TXNDC16: variants seen among roughly 807,000 people sequenced by gnomAD.
The protein encoded by TXNDC16 is thioredoxin domain containing 16.
Under a neutral mutation model 85.6 loss-of-function variants are expected in TXNDC16, and 74 were observed. The observed-to-expected ratio is 0.86, with a 90% CI of 0.72 to 1.05. The LOEUF is 1.05. Ranked by LOEUF, TXNDC16 falls within the 50% of genes least tolerant of loss-of-function variation. The pLI is 0.00. For missense variants in TXNDC16, 959 were observed against 947.0 expected (o/e 1.01, Z -0.17); for synonymous variants, 335 against 326.5 (o/e 1.03, Z -0.28).
chr14:52,538,996 T>C (rs1357830015), intron 4 of TXNDC16, among the ~76,000 whole-genome samples: 1 of 152,226 alleles, frequency 6.6e-6, no homozygotes, highest in African/African-American at 2.4e-5. Context: ...GGATGGTTGG[T>C]ATTATGACAA....
chr14:52,475,794 G>A (rs960496836), intron 14 of TXNDC16, among the ~76,000 whole-genome samples: 1 of 152,094 alleles, frequency 6.6e-6, no homozygotes, highest in African/African-American at 2.4e-5. Context: ...CCTGCCTACT[G>A]CCTGTTCCTC....
At chr14:52,549,983 C>T (rs1283725952) in intron 1 of TXNDC16, among the ~76,000 whole-genome samples, 1 of 152,164 alleles carries the variant, frequency 6.6e-6, no homozygotes, top group African/African-American at 2.4e-5. Flanking sequence ...GTGCTAGGGT[C>T]ATCTGTCCTC....
chr14:52,478,532 G>C (rs1311005979), intron 14 of TXNDC16, among the ~76,000 whole-genome samples: 1 of 151,308 alleles, frequency 6.6e-6, no homozygotes, highest in South Asian at 2.1e-4. Context: ...AGATCATTCA[G>C]AACACCTTTG....
intron 16 of TXNDC16, among the ~76,000 whole-genome samples, chr14:52,468,898 T>C (rs2035837376): frequency 6.7e-6 from 1 of 149,960 alleles, no homozygotes; most frequent in Non-Finnish European, 1.5e-5. Context: ...CAAAAAACCA[T>C]GAGTAATGTA....
rs1194103584 is a variant in TXNDC16 at position 52,552,324 on chromosome 14, G to A, written c.-190C>T. 6.6e-6 allele frequency: 1 copy of A among 152,320 alleles called. No homozygotes were observed. The highest frequency in any genetic ancestry group is 1.5e-5 in the Non-Finnish European group (1 of 68,160). The allele number at this position is 152,320 out of a possible 1,614,324, so 9.4% of individuals were successfully genotyped here. A position where few individuals can be genotyped will look rare whatever the true frequency, so the allele number is the denominator to read the frequency against. On this transcript the variant is annotated 5_prime_UTR_variant, in exon 1 of 21. Coordinates refer to ENST00000281741, the MANE Select transcript of TXNDC16 (RefSeq NM_020784.3). ...CCAGCGCTGTCACCTACCTGCCCGGGACCTGCGGGCGGGGACCTGGGCCGT... is the reference window on the plus strand; with the variant it reads ...CCAGCGCTGTCACCTACCTGCCCGGAACCTGCGGGCGGGGACCTGGGCCGT...
chr14:52,445,808 C>T (rs116027841), intron 18 of TXNDC16, among the ~76,000 whole-genome samples: 15 of 152,252 alleles, frequency 9.9e-5, no homozygotes, highest in Non-Finnish European at 1.3e-4. Context: ...AGCGTAGGTA[C>T]GTAGTAGGCT....
rs571154894 is a variant in TXNDC16, at chr14:52,518,417, C to T, written c.514+755G>A. Among the ~76,000 whole-genome samples, 4 of 152,298 alleles carry T rather than the reference C, an allele frequency of 2.6e-5. No homozygotes were observed. In the South Asian group the frequency reaches 6.2e-4, roughly 24 times the overall value. Reference sequence around the variant, plus strand: ...AATTATCTATTCCCAGTCTTCTGAACCTCAGTTGCTAGCAAATTCAACTTT... The same window carrying T: ...AATTATCTATTCCCAGTCTTCTGAATCTCAGTTGCTAGCAAATTCAACTTT... On this transcript the variant is annotated intron_variant, in intron 7 of 20. Transcript: ENST00000281741.
At chr14:52,515,003 G>GA (rs767699075) in intron 7 of TXNDC16, 33 bp from the exon 8 acceptor site, 6 of 1,527,152 alleles carry the variant, frequency 3.9e-6, no homozygotes, top group Non-Finnish European at 5.4e-6. Flanking sequence ...TGGAAGACAG[G>GA]AAAAAATAGT....
At chr14:52,479,677 C>G (rs1184910182) in intron 14 of TXNDC16, among the ~76,000 whole-genome samples, 1 of 152,018 alleles carries the variant, frequency 6.6e-6, no homozygotes, top group Non-Finnish European at 1.5e-5. Flanking sequence ...GTGGATGACA[C>G]AAACAAATGG....
chr14:52,488,267 G>T, intron 12 of TXNDC16, 96 bp downstream of exon 12: 1 of 1,458,738 alleles, frequency 6.9e-7, no homozygotes, highest in Non-Finnish European at 9.4e-7. Flanking sequence ...TCTTGAATCT[G>T]AACACATTCT....
intron 6 of TXNDC16, among the ~76,000 whole-genome samples, chr14:52,530,945 A>G (rs1038763560): frequency 1.3e-5 from 2 of 152,014 alleles, no homozygotes; most frequent in Admixed American, 1.3e-4. Context: ...TGTGAAAAAT[A>G]TATCTGATGA....
At chr14:52,535,299 C>T (rs1308046337) in intron 6 of TXNDC16, among the ~76,000 whole-genome samples, 2 of 152,130 alleles carry the variant, frequency 1.3e-5, no homozygotes, top group African/African-American at 2.4e-5. Context: ...CCAAGGAATT[C>T]CTTCCTCAAA....
At position 52,470,133 on chromosome 14, in the gene TXNDC16, C is replaced by T. The variant is rs1410566799; in HGVS notation, c.1522G>A (p.Glu508Lys). ...TCCCCACTTAAATATTCTTCTGCTTCTTGGATCGATGTTATATTCACTGGA... is the reference window on the plus strand; with the variant it reads ...TCCCCACTTAAATATTCTTCTGCTTTTTGGATCGATGTTATATTCACTGGA... ...SYPVNITSIQEAEEYLSGELY... is the reference protein window; with the variant it reads ...SYPVNITSIQKAEEYLSGELY... The change falls in exon 16 of 21, where the codon GAA becomes AAA. Residue 508 changes from glutamate (E) to lysine (K), a missense_variant. Transcript: ENST00000281741. 1.9e-6 allele frequency: 3 copies of T among 1,610,974 alleles called. No homozygotes were observed. In the African/African-American group the frequency reaches 4.0e-5, roughly 22 times the overall value.
chr14:52,545,719 T>C (rs985871435), intron 1 of TXNDC16, among the ~76,000 whole-genome samples: 5 of 152,184 alleles, frequency 3.3e-5, no homozygotes, highest in Non-Finnish European at 5.9e-5. Flanking sequence ...TTGAAAGTAA[T>C]TGGCTCTAAG....
intron 1 of TXNDC16, 128 bp from the exon 2 acceptor site, chr14:52,544,499 A>G (rs2037900563): frequency 6.6e-6 from 1 of 152,102 alleles, no homozygotes; most frequent in Non-Finnish European, 1.5e-5. Flanking sequence ...ATGCAAGCTC[A>G]CTATCTCAAA....
chr14:52,461,052 T>C (rs906465162), intron 16 of TXNDC16, among the ~76,000 whole-genome samples: 53 of 151,644 alleles, frequency 3.5e-4, no homozygotes, highest in African/African-American at 1.3e-3. Flanking sequence ...GTTTTATCTA[T>C]ATCTTTTAGT....
At chr14:52,511,518 A>C (rs1214335693) in intron 8 of TXNDC16, 128 bp from the exon 9 acceptor site, 7 of 534,888 alleles carry the variant, frequency 1.3e-5, no homozygotes, top group Middle Eastern at 5.1e-4. Flanking sequence ...AAAAGCCTGA[A>C]AGAGTATAAA....
chr14:52,490,177 G>A (rs571138915), intron 11 of TXNDC16, among the ~76,000 whole-genome samples: 2 of 152,098 alleles, frequency 1.3e-5, no homozygotes, highest in East Asian at 1.9e-4. Flanking sequence ...TTCTGATTTT[G>A]CTTTATTTAA....
At chr14:52,434,140 G>C (rs961848459) in intron 20 of TXNDC16, among the ~76,000 whole-genome samples, 5 of 152,246 alleles carry the variant, frequency 3.3e-5, no homozygotes, top group African/African-American at 1.2e-4. Context: ...AATGAGCCGT[G>C]ATTACACCAC....
Sources: gnomAD v4.1 joint callset for allele counts (sites outside exome capture counted in the v4.1 genomes callset) on GRCh38, gnomAD v4.1.1 for gene constraint, MANE v1.5 for transcripts, NCBI Gene and HGNC (gene_info 2026-07-23, HGNC 2026-07-21) for gene names.